Variants in SPATA13 observed in about 807,000 individuals in gnomAD.
SPATA13 encodes spermatogenesis-associated protein 13.
In SPATA13, 50 loss-of-function variants were observed where a neutral mutation model predicts 104.0. The ratio of observed to expected loss-of-function variants is 0.48; its 90% CI spans 0.38 to 0.61. The LOEUF (loss-of-function observed/expected upper bound fraction) is 0.61, where lower values mean the gene tolerates loss of function less well. Ranked by LOEUF, SPATA13 falls within the 20% of genes least tolerant of loss-of-function variation. The pLI, the probability that SPATA13 is intolerant of heterozygous loss-of-function variation, is 0.00. For synonymous variants in SPATA13, 606 were observed against 667.5 expected, an observed-to-expected ratio of 0.91 and a Z score of 1.42; for missense variants, 1,524 against 1,690.6, an observed-to-expected ratio of 0.90 and a Z score of 1.73.
intron 2 of SPATA13, among the ~76,000 whole-genome samples, chr13:24,016,515 C>A (rs551563067): frequency 6.6e-6 from 1 of 152,330 alleles, no homozygotes; most frequent in East Asian, 1.9e-4. Flanking sequence ...ATGCTAGGCT[C>A]AAAGGTGCCC....
rs747888796 is a variant in SPATA13, at chr13:24,011,997, A to T, written c.-146-5670A>T. ...GCACAGGGACCGGGGCTTGCCCACC[A>T]CCCTAAACAAAACTTGCTGATGACT... On this transcript the variant is annotated intron_variant, in intron 2 of 14. Coordinates refer to the SPATA13 transcript ENST00000424834. This position sits in a 1 kb window ranked among gnomAD's most constrained non-coding sequence, Gnocchi z 4.3. Among the ~76,000 whole-genome samples the T allele has an allele frequency of 2.0e-5, 3 of 152,174 alleles. No homozygotes were observed. The highest frequency in any genetic ancestry group is 2.4e-5 in the African/African-American group (1 of 41,448).
chr13:24,281,795 T>C (rs1486181609), intron 4 of SPATA13, among the ~76,000 whole-genome samples: 1 of 152,084 alleles, frequency 6.6e-6, no homozygotes, highest in Non-Finnish European at 1.5e-5. Context: ...CTGAGCACAG[T>C]CTGAGAGAGG....
At chr13:24,057,957 C>T (rs1878627032) in intron 3 of SPATA13, among the ~76,000 whole-genome samples, 1 of 151,736 alleles carries the variant, frequency 6.6e-6, no homozygotes, top group Non-Finnish European at 1.5e-5. Flanking sequence ...TCCAAGGATG[C>T]TGTGGCAGTG....
intron 3 of SPATA13, among the ~76,000 whole-genome samples, chr13:24,071,569 C>G (rs188635014): frequency 2.7e-4 from 41 of 152,302 alleles, no homozygotes; most frequent in Admixed American, 5.2e-4. Flanking sequence ...AACCAGCACG[C>G]AGAGATGTGA....
intron 9 of SPATA13, among the ~76,000 whole-genome samples, chr13:24,293,481 T>C (rs1876547033): frequency 6.6e-6 from 1 of 152,202 alleles, no homozygotes; most frequent in Non-Finnish European, 1.5e-5. Context: ...TCTTCAGTAG[T>C]TGATTTTCTT....
intron 1 of SPATA13, among the ~76,000 whole-genome samples, chr13:24,189,460 C>G (rs1361386221): frequency 1.5e-5 from 2 of 131,820 alleles, no homozygotes; most frequent in Non-Finnish European, 3.2e-5. Context: ...GGTGACAGAG[C>G]GAGACTCCAT....
intron 3 of SPATA13, among the ~76,000 whole-genome samples, chr13:24,046,622 T>C (rs904490712): frequency 6.6e-6 from 1 of 151,242 alleles, no homozygotes; most frequent in Non-Finnish European, 1.5e-5. Context: ...AGCAAGAGTT[T>C]GTTATTAGTT....
chr13:24,196,136 C>G (rs1296093562), intron 1 of SPATA13, among the ~76,000 whole-genome samples: 1 of 151,962 alleles, frequency 6.6e-6, no homozygotes, highest in African/African-American at 2.4e-5. Flanking sequence ...CTTAAAGGGC[C>G]TGGAAAAATT....
intron 1 of SPATA13, among the ~76,000 whole-genome samples, chr13:24,185,330 T>C (rs1869078653): frequency 6.6e-6 from 1 of 152,222 alleles, no homozygotes. Flanking sequence ...TATTTCTTAG[T>C]GAAGTACTGC....
intron 1 of SPATA13, among the ~76,000 whole-genome samples, chr13:24,167,043 T>G (rs375733017): frequency 8.1e-4 from 123 of 152,348 alleles, no homozygotes; most frequent in African/African-American, 2.8e-3. Context: ...TGGTGCCTAC[T>G]CTTACCTTCA....
intron 1 of SPATA13, among the ~76,000 whole-genome samples, chr13:24,189,143 G>A (rs1427955759): frequency 6.6e-6 from 1 of 152,138 alleles, no homozygotes; most frequent in African/African-American, 2.4e-5. Context: ...CATGGATCAA[G>A]GAGTAATTTT....
intron 4 of SPATA13, among the ~76,000 whole-genome samples, chr13:24,279,239 G>A (rs1250317061): frequency 1.3e-5 from 2 of 152,170 alleles, no homozygotes; most frequent in African/African-American, 4.8e-5. Context: ...ACCTGGGGAG[G>A]GCTGTCAGGC....
At chr13:24,162,657 A>T (rs762031857) in intron 1 of SPATA13, among the ~76,000 whole-genome samples, 3 of 152,260 alleles carry the variant, frequency 2.0e-5, no homozygotes, top group Non-Finnish European at 2.9e-5. Context: ...GTGTGTGCCA[A>T]GCACTGTTCT....
At chr13:24,300,600 A>C in intron 12 of SPATA13, 125 bp downstream of exon 12, 54 of 849,976 alleles carry the variant, frequency 6.4e-5, no homozygotes, top group East Asian at 1.9e-4. Flanking sequence ...GTTAGAACTC[A>C]AGGGCAGGTC....
chr13:24,191,237 A>G (rs1020314045), intron 1 of SPATA13, among the ~76,000 whole-genome samples: 2 of 152,106 alleles, frequency 1.3e-5, no homozygotes, highest in Non-Finnish European at 2.9e-5. Context: ...CGGCCTCCCA[A>G]AATGTTGGGA....
chr13:24,249,430 A>C (rs763777659), intron 2 of SPATA13, 47 bp from the exon 3 acceptor site: 321 of 1,463,606 alleles, frequency 2.2e-4, no homozygotes, highest in Non-Finnish European at 1.8e-4. Flanking sequence ...TCTTTCTTTA[A>C]TACCTTCCTG....
chr13:24,089,846 G>A (rs1302195847), intron 3 of SPATA13, among the ~76,000 whole-genome samples: 6 of 152,220 alleles, frequency 3.9e-5, no homozygotes, highest in Non-Finnish European at 7.3e-5. Flanking sequence ...GCACCAGCAG[G>A]TTTGGTGTTT....
chr13:24,152,658 A>G (rs1302752319), intron 3 of SPATA13, among the ~76,000 whole-genome samples: 5 of 152,188 alleles, frequency 3.3e-5, no homozygotes, highest in African/African-American at 1.2e-4. Flanking sequence ...GCCTTTTCAA[A>G]GTCCTGCTGT....
In SPATA13 at chr13:24,196,276, G is replaced by A. The variant is rs141102340; in HGVS notation, c.-111-26543G>A. On this transcript the variant is annotated intron_variant, in intron 1 of 12. Coordinates refer to ENST00000382108, the MANE Select transcript of SPATA13 (RefSeq NM_001166271.3). The stretch of plus-strand genomic sequence containing the variant: ...GTGTGTTCCCTAAGAGTGAGGCTTG[G>A]CATAAACCCTTCACACATTACCTGG... Among the ~76,000 whole-genome samples, 196 of 152,176 alleles carry A rather than the reference G, an allele frequency of 1.3e-3. 4 individuals are homozygous for A. Among genetic ancestry groups the A allele is most frequent in the Admixed American group, 0.01 (154 of 15,296 alleles).
Sources: gnomAD v4.1 joint callset for allele counts (sites outside exome capture counted in the v4.1 genomes callset) on GRCh38, gnomAD v4.1.1 for gene constraint, Gnocchi (gnomAD v3.1) non-coding constraint, MANE v1.5 for transcripts, NCBI Gene and HGNC (gene_info 2026-07-23, HGNC 2026-07-21) for gene names.